The following ZNF280D variants were observed in gnomAD, a reference collection of about 807,000 sequenced individuals.
ZNF280D encodes the protein suppressor of hairy wing homolog 4.
A neutral mutation model predicts 94.7 loss-of-function variants in ZNF280D; 39 were observed. The ratio of observed to expected loss-of-function variants is 0.41; its 90% CI spans 0.32 to 0.54. The LOEUF (loss-of-function observed/expected upper bound fraction) is 0.54. ZNF280D is among the 20% of genes least tolerant of loss of function. The pLI is 0.22. For missense variants in ZNF280D, 1,090 were observed against 1,149.3 expected (o/e 0.95, Z 0.75); for synonymous variants, 398 against 377.6 (o/e 1.05, Z -0.63).
intron 6 of ZNF280D, among the ~76,000 whole-genome samples, chr15:56,695,313 T>A (rs2056679519): frequency 6.6e-6 from 1 of 152,098 alleles, no homozygotes; most frequent in South Asian, 2.1e-4. Flanking sequence ...CCTCAGGTGA[T>A]CCACCTGCCT....
intron 6 of ZNF280D, among the ~76,000 whole-genome samples, chr15:56,695,143 G>A (rs1411024856): frequency 3.9e-5 from 6 of 151,948 alleles, no homozygotes; most frequent in East Asian, 1.9e-4. Flanking sequence ...CCTGATCTCC[G>A]CTCACTGCAA....
intron 21 of ZNF280D, chr15:56,633,933 A>G (rs2052219168): frequency 6.6e-6 from 1 of 152,170 alleles, no homozygotes; most frequent in South Asian, 2.1e-4. Context: ...AATTTGTAAA[A>G]TAGTCTATCA....
At chr15:56,683,879 C>T (rs1415335099) in intron 9 of ZNF280D, among the ~76,000 whole-genome samples, 2 of 152,094 alleles carry the variant, frequency 1.3e-5, no homozygotes, top group Admixed American at 1.3e-4. Flanking sequence ...TCAAAGAAGC[C>T]AACATCGGGC....
At position 56,677,545 on chromosome 15, in the gene ZNF280D, C is replaced by G. The variant is rs766520347; in HGVS notation, c.1263+29G>C. 3.4e-5 allele frequency: 51 copies of G among 1,512,366 alleles called. No homozygotes were observed. The South Asian group carries it at 5.3e-4, about 16-fold the overall frequency. 93.7% of individuals were successfully genotyped at this position (1,512,366 alleles called of 1,614,324 possible). On this transcript the variant is annotated intron_variant, in intron 12 of 21. Transcript: ENST00000267807. The stretch of plus-strand genomic sequence containing the variant: ...ACCAAAACAACAAACAAACCAAACA[C>G]TTAAAAAAACAATAAAATGTATGTG...
At position 56,707,069 on chromosome 15, in the gene ZNF280D, C is replaced by A. The variant is rs758752284; in HGVS notation, c.28+13G>T. Reference sequence around the variant, plus strand: ...CCACATATATTAGTATTAGTTGTGGCAGCAACACTTACTTTTTGGTTGAAA... The same window carrying A: ...CCACATATATTAGTATTAGTTGTGGAAGCAACACTTACTTTTTGGTTGAAA... On this transcript the variant is annotated intron_variant, in intron 3 of 21. Transcript: ENST00000267807. 4 of 1,613,580 alleles carry A rather than the reference C, an allele frequency of 2.5e-6. No individual in the cohort carries two copies. In the South Asian group the frequency reaches 4.4e-5, roughly 18 times the overall value.
chr15:56,675,778 T>C (rs2055191356), intron 13 of ZNF280D, among the ~76,000 whole-genome samples: 2 of 152,068 alleles, frequency 1.3e-5, no homozygotes, highest in Non-Finnish European at 2.9e-5. Flanking sequence ...GCACCAATGC[T>C]GAATAAATTG....
chr15:56,716,246 C>T (rs144555615), intron 1 of ZNF280D, among the ~76,000 whole-genome samples: 8 of 151,968 alleles, frequency 5.3e-5, no homozygotes, highest in Non-Finnish European at 8.8e-5. Context: ...GGACAAACAC[C>T]CATACAAAGA....
intron 1 of ZNF280D, among the ~76,000 whole-genome samples, chr15:56,726,862 A>C (rs1434956780): frequency 2.0e-5 from 3 of 152,168 alleles, no homozygotes; most frequent in African/African-American, 7.2e-5. Flanking sequence ...ATGGCCTGTG[A>C]ATTAAACTAT....
chr15:56,695,796 G>C (rs1177268657), intron 6 of ZNF280D, among the ~76,000 whole-genome samples: 1 of 152,020 alleles, frequency 6.6e-6, no homozygotes, highest in East Asian at 1.9e-4. Context: ...CCAAAGTGCT[G>C]GGATTACAGG....
intron 1 of ZNF280D, among the ~76,000 whole-genome samples, chr15:56,731,871 C>T (rs1259070907): frequency 6.6e-6 from 1 of 152,124 alleles, no homozygotes; most frequent in Non-Finnish European, 1.5e-5. Context: ...AAGAAATTAA[C>T]TCGAGAATAA....
At chr15:56,642,010 G>A (rs536083482) in intron 20 of ZNF280D, among the ~76,000 whole-genome samples, 1 of 151,716 alleles carries the variant, frequency 6.6e-6, no homozygotes, top group East Asian at 1.9e-4. Flanking sequence ...TCATGAATGA[G>A]AGGGGATATC....
At chr15:56,707,831 G>A (rs1223383386) in intron 1 of ZNF280D, among the ~76,000 whole-genome samples, 1 of 151,424 alleles carries the variant, frequency 6.6e-6, no homozygotes, top group African/African-American at 2.4e-5. Context: ...AAGGTAATGT[G>A]CTAAGCTCAG....
At chr15:56,674,856 T>A (rs1400953572) in intron 13 of ZNF280D, among the ~76,000 whole-genome samples, 1 of 151,960 alleles carries the variant, frequency 6.6e-6, no homozygotes, top group Non-Finnish European at 1.5e-5. Context: ...AAAGACATAA[T>A]AATATAATCT....
intron 1 of ZNF280D, among the ~76,000 whole-genome samples, chr15:56,720,195 A>C (rs887923246): frequency 6.6e-6 from 1 of 152,182 alleles, no homozygotes; most frequent in Non-Finnish European, 1.5e-5. Context: ...TGCTTTATCA[A>C]CTAAGCTGGT....
intron 19 of ZNF280D, chr15:56,653,503 TG>T (rs2053333936): frequency 6.6e-7 from 1 of 1,517,810 alleles, no homozygotes; most frequent in Non-Finnish European, 8.8e-7. Context: ...TCACATTCCT[TG>T]GAAAGAGAGA....
At chr15:56,692,537 G>A (rs1052240205) in intron 7 of ZNF280D, among the ~76,000 whole-genome samples, 7 of 151,970 alleles carry the variant, frequency 4.6e-5, no homozygotes, top group Admixed American at 1.3e-4. Context: ...TACAATCAAA[G>A]AACTTTAAAT....
At chr15:56,650,742 C>G (rs911509933) in intron 19 of ZNF280D, among the ~76,000 whole-genome samples, 3 of 152,136 alleles carry the variant, frequency 2.0e-5, no homozygotes, top group Non-Finnish European at 4.4e-5. Flanking sequence ...ACTTACAAAA[C>G]TCAAACCTTT....
intron 19 of ZNF280D, among the ~76,000 whole-genome samples, chr15:56,647,120 C>T (rs1353470013): frequency 6.6e-6 from 1 of 152,042 alleles, no homozygotes; most frequent in Non-Finnish European, 1.5e-5. Flanking sequence ...GAAAGTATGA[C>T]CAAATTTGTG....
intron 19 of ZNF280D, chr15:56,652,842 C>G: frequency 1.0e-6 from 1 of 983,716 alleles, no homozygotes; most frequent in Non-Finnish European, 1.2e-6. Flanking sequence ...TTAGTAACAG[C>G]CAAATTTAAA....
Sources: gnomAD v4.1 joint callset for allele counts (sites outside exome capture counted in the v4.1 genomes callset) on GRCh38, gnomAD v4.1.1 for gene constraint, MANE v1.5 for transcripts, NCBI Gene and HGNC (gene_info 2026-07-23, HGNC 2026-07-21) for gene names.